Variants in FHDC1 observed in about 807,000 individuals in gnomAD.
FHDC1 encodes the protein FH2 domain containing 1.
In FHDC1, 25 loss-of-function variants were observed where a neutral mutation model predicts 52.6. The observed-to-expected ratio is 0.48, with a 90% CI of 0.35 to 0.66. The LOEUF is 0.66. FHDC1 is among the 30% of genes least tolerant of loss of function. The probability of loss-of-function intolerance (pLI) is 0.01; values close to 1 mark genes in which losing one functional copy is unlikely to be tolerated. For missense variants in FHDC1, 1,459 were observed against 1,452.8 expected (o/e 1.00, Z -0.07); for synonymous variants, 616 against 581.5 (o/e 1.06, Z -0.85).
chr4:152,927,511 T>C, the FHDC1 span: 2 of 1,078,194 alleles, frequency 1.9e-6, no homozygotes, highest in East Asian at 2.4e-5. Context: ...CAGAACTAGA[T>C]GAATGGTGCA....
the FHDC1 span, among the ~76,000 whole-genome samples, chr4:152,926,267 GACACACACACACAC>G: frequency 4.2e-5 from 6 of 144,536 alleles, no homozygotes; most frequent in East Asian, 4.1e-4. Flanking sequence ...TTAAAATACA[GACACACACACACAC>G]ACACACACAC....
At chr4:152,954,130 G>A in intron 3 of FHDC1, 87 bp from the exon 4 acceptor site, 1 of 1,126,318 alleles carries the variant, frequency 8.9e-7, no homozygotes, top group Non-Finnish European at 1.3e-6. Context: ...GGGAAGGAGG[G>A]TGGAGGAGAT....
intron 1 of FHDC1, among the ~76,000 whole-genome samples, chr4:152,939,851 G>A (rs1321311973): frequency 1.3e-5 from 2 of 152,192 alleles, no homozygotes; most frequent in Admixed American, 6.5e-5. Flanking sequence ...CTTACATACA[G>A]GCCTGTCTCT....
Position 152,972,447 on chromosome 4 carries a change from T to C in FHDC1, c.1289T>C (p.Ile430Thr), listed in dbSNP as rs1740667255. 3 of 1,614,050 alleles carry C rather than the reference T, an allele frequency of 1.9e-6. No individual in the cohort carries two copies. The highest frequency in any genetic ancestry group is 2.5e-6 in the Non-Finnish European group (3 of 1,179,984). ...QELQDEAYTL[I>T]DFFCEDKKTM... ...CTCCAGGATGAGGCCTACACCCTTATAGATTTTTTCTGTGAAGACAAAAAA... is the reference window on the plus strand; with the variant it reads ...CTCCAGGATGAGGCCTACACCCTTACAGATTTTTTCTGTGAAGACAAAAAA... The change falls in exon 11 of 12, where the codon ATA becomes ACA. Residue 430 changes from isoleucine to threonine, a missense_variant. By Grantham distance (89) the Ile-to-Thr change is moderately conservative. Coordinates refer to ENST00000511601, the MANE Select transcript of FHDC1 (RefSeq NM_001371116.1).
At chr4:152,921,756 C>A in the FHDC1 span, among the ~76,000 whole-genome samples, 1 of 152,052 alleles carries the variant, frequency 6.6e-6, no homozygotes. Flanking sequence ...AGCTTTATAA[C>A]CCTCATGCCA....
upstream of FHDC1, among the ~76,000 whole-genome samples, chr4:152,931,601 T>C (rs919568316): frequency 3.3e-5 from 5 of 152,076 alleles, no homozygotes; most frequent in Non-Finnish European, 5.9e-5. Context: ...CTCATTCCTG[T>C]ATGTTGGGTA....
intron 2 of FHDC1, among the ~76,000 whole-genome samples, chr4:152,951,299 C>CT (rs1419536007): frequency 6.6e-6 from 1 of 151,998 alleles, no homozygotes; most frequent in Non-Finnish European, 1.5e-5. Context: ...ATCGAGATTC[C>CT]TTTTTTGGTA....
At chr4:152,968,324 CTTGT>C (rs1033286730) in intron 10 of FHDC1, among the ~76,000 whole-genome samples, 7 of 149,672 alleles carry the variant, frequency 4.7e-5, no homozygotes, top group African/African-American at 1.5e-4. Flanking sequence ...GTTTGTTTGA[CTTGT>C]TTGTTTGTTT....
At chr4:152,944,962 C>G (rs1193948142) in intron 2 of FHDC1, among the ~76,000 whole-genome samples, 1 of 152,204 alleles carries the variant, frequency 6.6e-6, no homozygotes, top group Non-Finnish European at 1.5e-5. Flanking sequence ...TCTGCCAGCT[C>G]TCTTTACTGA....
In FHDC1 at chr4:152,973,145, T is replaced by C. The variant is rs551599991; in HGVS notation, c.1383+604T>C. Among the ~76,000 whole-genome samples, 17 of 152,332 alleles carry C rather than the reference T, an allele frequency of 1.1e-4. No individual in the cohort carries two copies. The South Asian group carries it at 3.3e-3, about 30-fold the overall frequency. On this transcript the variant is annotated intron_variant, in intron 11 of 11. Transcript: ENST00000511601. ...CAATTCCAGTCATCTCTGGGTTTAA[T>C]GTAGAAGCCAGAAAACTCTCTGGGT...
At chr4:152,939,166 G>T (rs530175522) in intron 1 of FHDC1, among the ~76,000 whole-genome samples, 3 of 152,052 alleles carry the variant, frequency 2.0e-5, no homozygotes, top group Non-Finnish European at 4.4e-5. Context: ...TGCAACCTCC[G>T]ACTCCCTGAT....
Position 152,975,418 on chromosome 4 carries a change from G to T in FHDC1, c.2127G>T (p.Val709=), listed in dbSNP as rs765239481. 6 of 1,613,428 alleles carry T rather than the reference G, an allele frequency of 3.7e-6. No individual in the cohort carries two copies. In the African/African-American group the frequency reaches 5.3e-5, roughly 14 times the overall value. The change falls in exon 12 of 12, where the codon GTG becomes GTT. Residue 709 remains valine (V), a synonymous_variant. Coordinates refer to ENST00000511601, the MANE Select transcript of FHDC1 (RefSeq NM_001371116.1). ...TCAGCCCGATGGAGCTAGAGTCTGTGGGGCATAGGGGCCCGCAGTCCCTCA... is the reference window on the plus strand; with the variant it reads ...TCAGCCCGATGGAGCTAGAGTCTGTTGGGCATAGGGGCCCGCAGTCCCTCA... ...SDFSPMELES[V]GHRGPQSLSA...
intron 6 of FHDC1, among the ~76,000 whole-genome samples, chr4:152,962,504 C>T (rs765315461): frequency 2.0e-5 from 3 of 152,176 alleles, no homozygotes; most frequent in Non-Finnish European, 4.4e-5. Context: ...TCCTATCTCA[C>T]GGGATACTGC....
At chr4:152,936,861 G>T (rs1170318680) in intron 1 of FHDC1, among the ~76,000 whole-genome samples, 1 of 152,274 alleles carries the variant, frequency 6.6e-6, no homozygotes, top group Non-Finnish European at 1.5e-5. Context: ...CAGCCGCGGC[G>T]CCGCGCTCGG....
At chr4:152,932,218 T>C (rs893199215), upstream of FHDC1, among the ~76,000 whole-genome samples, 5 of 78,834 alleles carry the variant, frequency 6.3e-5, no homozygotes, top group Non-Finnish European at 1.2e-4. Context: ...ACCCTGTCTC[T>C]ATTAAAAAAA....
At chr4:152,934,735 GA>G (rs1561198518), upstream of FHDC1, among the ~76,000 whole-genome samples, 1 of 152,180 alleles carries the variant, frequency 6.6e-6, no homozygotes, top group Non-Finnish European at 1.5e-5. Context: ...CTTAGGGTAG[GA>G]TGCTGCCAAG....
chr4:152,917,679 G>A, the FHDC1 span, among the ~76,000 whole-genome samples: 2 of 94,504 alleles, frequency 2.1e-5, no homozygotes, highest in African/African-American at 6.7e-5. Context: ...TATCAAGTGA[G>A]TTAGAAAAAA....
chr4:152,911,414 A>G, the FHDC1 span: 1 of 152,368 alleles, frequency 6.6e-6, no homozygotes, highest in Non-Finnish European at 1.5e-5. Flanking sequence ...TGGTACCAGG[A>G]AGAAAGAGGA....
At chr4:152,933,724 CG>C (rs1377547589), upstream of FHDC1, among the ~76,000 whole-genome samples, 1 of 122,724 alleles carries the variant, frequency 8.1e-6, no homozygotes, top group Non-Finnish European at 1.6e-5. Context: ...AGTGAGACCC[CG>C]TCTCAAAAAA....
Sources: allele counts gnomAD v4.1 joint callset (sites outside exome capture counted in the v4.1 genomes callset), GRCh38; gene constraint gnomAD v4.1.1; transcripts MANE v1.5; gene names NCBI Gene and HGNC (gene_info 2026-07-23, HGNC 2026-07-21).